Variants in ATP8A1 observed in about 807,000 individuals in gnomAD.
The protein encoded by ATP8A1 is ATPase phospholipid transporting 8A1.
Under a neutral mutation model 177.7 loss-of-function variants are expected in ATP8A1, and 90 were observed. The ratio of observed to expected loss-of-function variants is 0.51; its 90% confidence interval spans 0.43 to 0.60. ATP8A1 has a LOEUF of 0.60. ATP8A1 is among the 20% of genes least tolerant of loss of function. ATP8A1 has a pLI of 0.00. For synonymous variants in ATP8A1, 493 were observed against 485.9 expected (o/e 1.01, Z -0.19); for missense variants, 1,072 against 1,392.8 (o/e 0.77, Z 3.67).
intron 1 of ATP8A1, among the ~76,000 whole-genome samples, chr4:42,629,240 T>A (rs1027189992): frequency 1.3e-5 from 2 of 152,188 alleles, no homozygotes; most frequent in African/African-American, 4.8e-5. Context: ...ATAAGGGATC[T>A]TTAAAGAGAA....
chr4:42,417,010 A>G (rs1713318655), intron 35 of ATP8A1, among the ~76,000 whole-genome samples: 1 of 152,240 alleles, frequency 6.6e-6, no homozygotes, highest in Non-Finnish European at 1.5e-5. Context: ...CTTTACTAAG[A>G]AAATGACTAG....
chr4:42,651,407 C>A (rs953000930), intron 1 of ATP8A1, among the ~76,000 whole-genome samples: 2 of 152,036 alleles, frequency 1.3e-5, no homozygotes, highest in African/African-American at 4.8e-5. Context: ...GTATGGAACT[C>A]CCTAGAGACT....
intron 17 of ATP8A1, among the ~76,000 whole-genome samples, chr4:42,551,962 T>A (rs1229867327): frequency 6.6e-6 from 1 of 152,154 alleles, no homozygotes; most frequent in African/African-American, 2.4e-5. Flanking sequence ...TGAAAACAGA[T>A]CTAAAATTAA....
intron 27 of ATP8A1, chr4:42,459,427 T>C (rs1718844748): frequency 4.4e-6 from 1 of 229,116 alleles, no homozygotes; most frequent in Non-Finnish European, 9.2e-6. Context: ...TAAAATTAAC[T>C]TTTTATAAGC....
chr4:42,656,367 G>A (rs1404671012), intron 1 of ATP8A1, among the ~76,000 whole-genome samples: 1 of 152,200 alleles, frequency 6.6e-6, no homozygotes, highest in East Asian at 1.9e-4. Flanking sequence ...AAGGCTCCCC[G>A]CGCTTCGAGA....
chr4:42,631,584 T>G (rs968367075), intron 1 of ATP8A1, among the ~76,000 whole-genome samples: 1 of 152,176 alleles, frequency 6.6e-6, no homozygotes, highest in Non-Finnish European at 1.5e-5. Flanking sequence ...AAAAGTTTGT[T>G]GCAATATCTT....
intron 27 of ATP8A1, among the ~76,000 whole-genome samples, chr4:42,461,051 G>A (rs1174483393): frequency 1.3e-5 from 2 of 152,074 alleles, no homozygotes; most frequent in South Asian, 2.1e-4. Flanking sequence ...CTGGCCACAC[G>A]TGCTCTTGAA....
intron 5 of ATP8A1, among the ~76,000 whole-genome samples, chr4:42,606,940 C>T (rs533949156): frequency 6.6e-6 from 1 of 152,302 alleles, no homozygotes; most frequent in East Asian, 1.9e-4. Flanking sequence ...GAGACAAGCA[C>T]AAACTTATCC....
chr4:42,485,964 A>G (rs1722157968), intron 24 of ATP8A1, among the ~76,000 whole-genome samples: 1 of 152,174 alleles, frequency 6.6e-6, no homozygotes, highest in Non-Finnish European at 1.5e-5. Flanking sequence ...TCATTATTCT[A>G]ACCATCATTG....
intron 33 of ATP8A1, among the ~76,000 whole-genome samples, chr4:42,425,932 C>G (rs1050685274): frequency 1.3e-5 from 2 of 152,224 alleles, no homozygotes; most frequent in African/African-American, 2.4e-5. Context: ...AGCTGCAAAG[C>G]TGGTAACAGG....
At chr4:42,553,715 C>CA (rs1222309031) in intron 16 of ATP8A1, among the ~76,000 whole-genome samples, 1 of 152,128 alleles carries the variant, frequency 6.6e-6, no homozygotes, top group African/African-American at 2.4e-5. Flanking sequence ...ACTAAACAGA[C>CA]ATGGTCCCTG....
In ATP8A1 at chr4:42,464,765, A is replaced by G. The variant is rs539086429; in HGVS notation, c.2544T>C (p.Gly848=). 3.7e-6 allele frequency: 6 copies of G among 1,613,848 alleles called. No homozygotes were observed. In the South Asian group the frequency reaches 4.4e-5, roughly 12 times the overall value. The change falls in exon 27 of 37, where the codon GGT becomes GGC. Residue 848 remains glycine (G), a synonymous_variant. Coordinates refer to ENST00000381668, the MANE Select transcript of ATP8A1 (RefSeq NM_006095.2). ...TGGAGACTCTGTTATAGTTCCAGGCACCATGAATCATCAGTAAATTCTTCA... is the reference window on the plus strand; with the variant it reads ...TGGAGACTCTGTTATAGTTCCAGGCGCCATGAATCATCAGTAAATTCTTCA... The part of the protein sequence containing the change: ...KYLKNLLMIH[G]AWNYNRVSKC...
intron 30 of ATP8A1, 151 bp downstream of exon 30, chr4:42,451,830 A>C (rs1167435348): frequency 1.6e-5 from 8 of 498,488 alleles, no homozygotes; most frequent in Non-Finnish European, 2.9e-5. Flanking sequence ...AAAAATCTTC[A>C]AAGTGTGTAC....
chr4:42,631,154 C>T (rs946880542), intron 1 of ATP8A1, among the ~76,000 whole-genome samples: 1 of 152,148 alleles, frequency 6.6e-6, no homozygotes. Context: ...TAATTCTCTA[C>T]CTTGTGGTGT....
At chr4:42,605,976 G>A (rs1735757736) in intron 5 of ATP8A1, among the ~76,000 whole-genome samples, 1 of 152,174 alleles carries the variant, frequency 6.6e-6, no homozygotes, top group African/African-American at 2.4e-5. Flanking sequence ...CTCACAGTAA[G>A]GAGTACTAAC....
chr4:42,449,024 C>T (rs763715987), intron 30 of ATP8A1, among the ~76,000 whole-genome samples: 132 of 151,712 alleles, frequency 8.7e-4, no homozygotes, highest in African/African-American at 2.5e-3. Flanking sequence ...TTAGTAGAGA[C>T]GGAGTTTTGC....
chr4:42,650,976 G>A (rs1741031596), intron 1 of ATP8A1, among the ~76,000 whole-genome samples: 1 of 152,128 alleles, frequency 6.6e-6, no homozygotes, highest in Non-Finnish European at 1.5e-5. Flanking sequence ...ATTCTCACAT[G>A]TCGTAGAGGA....
In ATP8A1 at chr4:42,522,219, ATGCTCGCTGATAGAC is replaced by A. The variant is rs1726203876; in HGVS notation, c.1873_1887del (p.Val625_Ala629del). 1 of 1,613,676 alleles carries A rather than the reference ATGCTCGCTGATAGAC, an allele frequency of 6.2e-7. No homozygotes were observed. Among genetic ancestry groups the A allele is most frequent in the Admixed American group, 1.7e-5 (1 of 59,956 alleles). Reference sequence around the variant, plus strand: ...AGTAGCCTGTTCTGCACAGATGTAGATGCTCGCTGATAGACTGCTCGCCACTCCTGAAAGTCGCTC... The same window carrying A: ...AGTAGCCTGTTCTGCACAGATGTAGATGCTCGCCACTCCTGAAAGTCGCTC... On this transcript the variant is annotated inframe_deletion, in exon 22 of 37. Coordinates refer to ENST00000381668, the MANE Select transcript of ATP8A1 (RefSeq NM_006095.2).
intron 1 of ATP8A1, among the ~76,000 whole-genome samples, chr4:42,646,461 A>G (rs1740546880): frequency 6.6e-6 from 1 of 152,232 alleles, no homozygotes; most frequent in African/African-American, 2.4e-5. Flanking sequence ...AGAAGCTGGA[A>G]GATTTGTTTT....
Sources: gnomAD v4.1 joint callset for allele counts (sites outside exome capture counted in the v4.1 genomes callset) on GRCh38, gnomAD v4.1.1 for gene constraint, MANE v1.5 for transcripts, NCBI Gene and HGNC (gene_info 2026-07-23, HGNC 2026-07-21) for gene names.